CCDC137: variants seen among roughly 807,000 people sequenced by gnomAD.
The protein encoded by CCDC137 is coiled-coil domain containing 137.
In CCDC137, 24 loss-of-function variants were observed where a neutral mutation model predicts 30.4. That is an observed-to-expected ratio of 0.79 (90% CI 0.57 to 1.11). The LOEUF (loss-of-function observed/expected upper bound fraction) is 1.11, where lower values mean the gene tolerates loss of function less well. Among genes scored for constraint, CCDC137 ranks in the 50% least tolerant of loss-of-function variants. The pLI is 0.00. For missense variants in CCDC137, 417 were observed against 380.4 expected (o/e 1.10, Z -0.80); for synonymous variants, 182 against 155.7 (o/e 1.17, Z -1.26).
At chr17:81,669,265 C>A (rs571419346) in intron 2 of CCDC137, among the ~76,000 whole-genome samples, 260 of 151,970 alleles carry the variant, frequency 1.7e-3, no homozygotes, top group Middle Eastern at 6.8e-3. Context: ...TGTGCCTCAG[C>A]CCCCCCAGTA....
At chr17:81,672,195 T>G (rs1351327319) in intron 5 of CCDC137, 40 bp downstream of exon 5, 1 of 1,591,296 alleles carries the variant, frequency 6.3e-7, no homozygotes, top group Admixed American at 1.7e-5. Flanking sequence ...TGTCCCCCAG[T>G]GCTGCCAGGG....
Position 81,671,776 on chromosome 17 carries a change from G to GA in CCDC137, c.530_531insA (p.Lys178GlufsTer23). 3.1e-6 allele frequency: 5 copies of GA among 1,612,768 alleles called. No individual in the cohort carries two copies. The highest frequency in any genetic ancestry group is 4.2e-6 in the Non-Finnish European group (5 of 1,179,788). On this transcript the variant is annotated frameshift_variant, in exon 4 of 6. Transcript: ENST00000329214. LOFTEE classifies it high-confidence loss of function. ...AAGCGGCGACTAGATAAAGTCCGAC[G>GA]GAAAAAGGAGGAAAAGGCGGCAGAC...
In CCDC137 at chr17:81,672,726, G is replaced by A. The variant is rs201048025; in HGVS notation, c.*22G>A. The A allele has an allele frequency of 6.4e-5, 98 of 1,535,512 alleles. No individual in the cohort carries two copies. Among genetic ancestry groups the A allele is most frequent in the East Asian group, 1.2e-4 (5 of 41,404 alleles). ...GTGATGGAGAGACACCCGGGGCCTGGCCACGCTCTGGGGCAACTGGCACCA... is the reference window on the plus strand; with the variant it reads ...GTGATGGAGAGACACCCGGGGCCTGACCACGCTCTGGGGCAACTGGCACCA... On this transcript the variant is annotated 3_prime_UTR_variant, in exon 6 of 6. Coordinates refer to ENST00000329214, the MANE Select transcript of CCDC137 (RefSeq NM_199287.3).
At position 81,667,831 on chromosome 17, in the gene CCDC137, C is replaced by T. The variant is rs1350491676; in HGVS notation, c.237C>T (p.Asn79=). The change falls in exon 2 of 6, where the codon AAC becomes AAT. Residue 79 remains asparagine (N), a synonymous_variant. Transcript: ENST00000329214. ...TGAGGAGCCGCCAAGAGATGAAAAA[C>T]CCGATCAGTAACAAGAAGAGGAAGA... is the stretch of plus-strand genomic sequence containing the variant. ...EIMRSRQEMK[N]PISNKKRKKA... 2 of 1,612,106 alleles carry T rather than the reference C, an allele frequency of 1.2e-6. No individual in the cohort carries two copies. Among genetic ancestry groups the T allele is most frequent in the East Asian group, 2.2e-5 (1 of 44,882 alleles).
intron 3 of CCDC137, chr17:81,671,489 A>G: frequency 1.9e-6 from 1 of 514,264 alleles, no homozygotes; most frequent in Non-Finnish European, 3.5e-6. Flanking sequence ...ACATTGTCAG[A>G]TGTTCCCTGG....
intron 5 of CCDC137, 78 bp from the exon 6 acceptor site, chr17:81,672,417 A>C (rs1598734755): frequency 7.4e-7 from 1 of 1,344,306 alleles, no homozygotes; most frequent in Middle Eastern, 1.8e-4. Context: ...CTGGCGGGAG[A>C]GCTGTTGAAG....
Position 81,670,233 on chromosome 17 carries a change from A to G in CCDC137, c.277A>G (p.Thr93Ala). ...CCTCCCTTTGTCCTCAGCCCAGGTGACCTTCAGAAAGACATTGGAGAAGGA... is the reference window on the plus strand; with the variant it reads ...CCTCCCTTTGTCCTCAGCCCAGGTGGCCTTCAGAAAGACATTGGAGAAGGA... ...NKKRKKAAQV[T>A]FRKTLEKEAK... The change falls in exon 3 of 6, where the codon ACC (threonine) becomes GCC (alanine). Residue 93 changes from threonine (T) to alanine (A), a missense_variant. Coordinates refer to ENST00000329214, the MANE Select transcript of CCDC137 (RefSeq NM_199287.3). The G allele has an allele frequency of 2.5e-6, 4 of 1,613,652 alleles. No individual in the cohort carries two copies. In the South Asian group the frequency reaches 4.4e-5, roughly 18 times the overall value.
chr17:81,670,243 A>G lies in CCDC137; in HGVS notation c.287A>G (p.Lys96Arg), dbSNP rs777509772. 3.7e-6 allele frequency: 6 copies of G among 1,613,898 alleles called. No homozygotes were observed. Among genetic ancestry groups the G allele is most frequent in the Non-Finnish European group, 5.1e-6 (6 of 1,179,980 alleles). ...TCCTCAGCCCAGGTGACCTTCAGAA[A>G]GACATTGGAGAAGGAAGCAAAGGGA... is the stretch of plus-strand genomic sequence containing the variant. ...RKKAAQVTFR[K>R]TLEKEAKGEE... is the part of the protein sequence containing the mutation. Residue 96 changes from lysine to arginine, a missense_variant, in exon 3 of 6, where the codon AAG (lysine) becomes AGG (arginine). Lys to Arg is a conservative substitution (Grantham distance 26). Coordinates refer to ENST00000329214, the MANE Select transcript of CCDC137 (RefSeq NM_199287.3).
chr17:81,670,185 T>A (rs952340440), intron 2 of CCDC137, 40 bp from the exon 3 acceptor site: 1 of 1,522,142 alleles, frequency 6.6e-7, no homozygotes, highest in Non-Finnish European at 9.0e-7. Context: ...CCTGCCACTG[T>A]CTGCCTCCTG....
In CCDC137 at chr17:81,673,533, G is replaced by A. The variant is rs12949741; in HGVS notation, c.*829G>A. The A allele has an allele frequency of 0.088, 13,414 of 152,366 alleles. 848 individuals are homozygous for A. Among genetic ancestry groups the A allele is most frequent in the East Asian group, 0.22 (1,116 of 5,180 alleles). The allele number at this position is 152,366 out of a possible 1,614,324, so 9.4% of individuals were successfully genotyped here. A position where few individuals can be genotyped will look rare whatever the true frequency, so the allele number is the denominator to read the frequency against. On this transcript the variant is annotated 3_prime_UTR_variant, in exon 6 of 6. Coordinates refer to ENST00000329214, the MANE Select transcript of CCDC137 (RefSeq NM_199287.3). Reference sequence around the variant, plus strand: ...CAAGGTCACAGAGTGGGGCCCAGGGGGAGTTCCTGCTGAGGGCAGGGCCTT... The same window carrying A: ...CAAGGTCACAGAGTGGGGCCCAGGGAGAGTTCCTGCTGAGGGCAGGGCCTT...
Position 81,667,859 on chromosome 17 carries a change from G to GC in CCDC137, c.266dup (p.Ala90SerfsTer33), listed in dbSNP as rs1290152659. Reference sequence around the variant, plus strand: ...GATCAGTAACAAGAAGAGGAAGAAAGCAGGTGTGTGCAGGCCCATACTGGG... The same window carrying GC: ...GATCAGTAACAAGAAGAGGAAGAAAGCCAGGTGTGTGCAGGCCCATACTGGG... On this transcript the variant is annotated frameshift_variant, in exon 2 of 6. Coordinates refer to ENST00000329214, the MANE Select transcript of CCDC137 (RefSeq NM_199287.3). LOFTEE classifies it high-confidence loss of function. The GC allele has an allele frequency of 6.2e-7, 1 of 1,611,068 alleles. No individual in the cohort carries two copies. The highest frequency in any genetic ancestry group is 1.3e-5 in the African/African-American group (1 of 74,850).
intron 3 of CCDC137, among the ~76,000 whole-genome samples, chr17:81,671,304 G>A (rs753247587): frequency 3.3e-5 from 5 of 152,172 alleles, no homozygotes; most frequent in Non-Finnish European, 5.9e-5. Context: ...CAGAGCTGTC[G>A]CTGAAGGTGA....
chr17:81,667,715 G>T lies in CCDC137; in HGVS notation c.135-14G>T. 6.2e-7 allele frequency: 1 copy of T among 1,613,610 alleles called. No individual in the cohort carries two copies. On this transcript the variant is annotated splice_polypyrimidine_tract_variant and intron_variant, in intron 1 of 5. Transcript: ENST00000329214. ...TACTTGGGACGGGTCTCACCCCCGT[G>T]TTCTTTCTCCCAGCAAAGAGAAGAA...
chr17:81,670,851 G>A (rs536422724), intron 3 of CCDC137, among the ~76,000 whole-genome samples: 6 of 152,118 alleles, frequency 3.9e-5, no homozygotes, highest in Non-Finnish European at 8.8e-5. Flanking sequence ...AGCTTTGGCC[G>A]AGTACAGTGG....
intron 4 of CCDC137, 31 bp downstream of exon 4, chr17:81,671,857 G>A: frequency 6.2e-7 from 1 of 1,610,348 alleles, no homozygotes; most frequent in Non-Finnish European, 8.5e-7. Flanking sequence ...GGTGTCAGCA[G>A]TGGTCCGGGT....
intron 1 of CCDC137, 132 bp downstream of exon 1, chr17:81,667,032 CTG>C (rs10597983): frequency 0.15 from 142,559 of 963,654 alleles, 11,457 homozygotes; most frequent in African/African-American, 0.19. Flanking sequence ...CCTCCTCTGT[CTG>C]TGCCCGCGGC....
chr17:81,671,996 A>C, intron 4 of CCDC137, 80 bp from the exon 5 acceptor site: 2 of 1,523,142 alleles, frequency 1.3e-6, no homozygotes, highest in Non-Finnish European at 1.8e-6. Flanking sequence ...TATGGGAGGG[A>C]GGTGGGCGGG....
At chr17:81,671,943 C>T (rs1161776726) in intron 4 of CCDC137, 117 bp downstream of exon 4, 2 of 1,454,352 alleles carry the variant, frequency 1.4e-6, no homozygotes, top group South Asian at 2.3e-5. Context: ...CTGGGGTCCA[C>T]AGCCATTAGA....
chr17:81,667,056 C>T, intron 1 of CCDC137, 156 bp downstream of exon 1: 1 of 797,972 alleles, frequency 1.3e-6, no homozygotes, highest in Non-Finnish European at 1.7e-6. Context: ...CACGCTCCGC[C>T]AGGATCGGTT....
Sources: gnomAD v4.1 joint callset for allele counts (sites outside exome capture counted in the v4.1 genomes callset) on GRCh38, gnomAD v4.1.1 for gene constraint, MANE v1.5 for transcripts, NCBI Gene and HGNC (gene_info 2026-07-23, HGNC 2026-07-21) for gene names.